WSCD2: variants seen among roughly 807,000 people sequenced by gnomAD.
WSCD2 encodes the protein sialate:O-sulfotransferase 2.
In WSCD2, 28 loss-of-function variants were observed where a neutral mutation model predicts 55.7. The observed-to-expected ratio is 0.50, with a 90% CI of 0.37 to 0.69. The LOEUF (loss-of-function observed/expected upper bound fraction) is 0.69, where lower values mean the gene tolerates loss of function less well. WSCD2 is among the 30% of genes least tolerant of loss of function. The pLI is 0.00. For synonymous variants in WSCD2, 301 were observed against 301.9 expected, an observed-to-expected ratio of 1.00 and a Z score of 0.03; for missense variants, 616 against 762.1, an observed-to-expected ratio of 0.81 and a Z score of 2.26.
chr12:108,134,040 G>C (rs1254820238), intron 1 of WSCD2, among the ~76,000 whole-genome samples: 2 of 152,134 alleles, frequency 1.3e-5, no homozygotes, highest in African/African-American at 4.8e-5. Context: ...GTGGGGTATG[G>C]GTGGGTCTCT....
intron 3 of WSCD2, 137 bp from the exon 4 acceptor site, chr12:108,209,984 C>A: frequency 2.5e-6 from 3 of 1,216,362 alleles, no homozygotes; most frequent in Non-Finnish European, 2.3e-6. Context: ...CCCCAACCTC[C>A]CATCAGCAGT....
intron 4 of WSCD2, among the ~76,000 whole-genome samples, chr12:108,213,571 G>C (rs1054056976): frequency 2.6e-5 from 4 of 152,186 alleles, no homozygotes; most frequent in African/African-American, 9.7e-5. Flanking sequence ...GCTCGATAAA[G>C]GAGGGGACAT....
chr12:108,188,910 C>A lies in WSCD2; in HGVS notation c.-551-6372C>A, dbSNP rs115311389. On this transcript the variant is annotated intron_variant, in intron 1 of 8. Transcript: ENST00000547525. The stretch of plus-strand genomic sequence containing the variant: ...TGTGTGTCTGGGCAAGTTACTTAAT[C>A]TCTGTGAACTTTAGCTTTCTCATCT... Among the ~76,000 whole-genome samples the A allele has an allele frequency of 4.2e-3, 644 of 152,318 alleles. 11 individuals are homozygous for A. Among genetic ancestry groups the A allele is most frequent in the African/African-American group, 0.015 (620 of 41,572 alleles).
At chr12:108,230,339 A>G (rs1025978309) in intron 6 of WSCD2, among the ~76,000 whole-genome samples, 1 of 152,248 alleles carries the variant, frequency 6.6e-6, no homozygotes, top group African/African-American at 2.4e-5. Context: ...TCATCTCAGA[A>G]CAAAAATTAA....
At chr12:108,200,133 T>C (rs962583908) in intron 2 of WSCD2, among the ~76,000 whole-genome samples, 14 of 152,148 alleles carry the variant, frequency 9.2e-5, no homozygotes, top group African/African-American at 3.1e-4. Context: ...AAGGTGGCCA[T>C]GGGAAGATTT....
chr12:108,187,372 A>G (rs1882634914), intron 1 of WSCD2, among the ~76,000 whole-genome samples: 1 of 152,204 alleles, frequency 6.6e-6, no homozygotes, highest in African/African-American at 2.4e-5. Flanking sequence ...TCATGAGAAG[A>G]GGTAAATGTT....
chr12:108,223,856 GC>G (rs1887792621), intron 4 of WSCD2, among the ~76,000 whole-genome samples: 2 of 152,150 alleles, frequency 1.3e-5, no homozygotes, highest in African/African-American at 2.4e-5. Flanking sequence ...TTAAGGTGGG[GC>G]CAACTCTGTA....
At chr12:108,228,183 G>C (rs1009172599) in intron 6 of WSCD2, among the ~76,000 whole-genome samples, 7 of 152,158 alleles carry the variant, frequency 4.6e-5, no homozygotes, top group Non-Finnish European at 5.9e-5. Context: ...CACTTGGATG[G>C]GGATTGGGGG....
At chr12:108,226,450 G>A (rs1246630787) in intron 5 of WSCD2, among the ~76,000 whole-genome samples, 1 of 152,062 alleles carries the variant, frequency 6.6e-6, no homozygotes, top group Admixed American at 6.5e-5. Context: ...CATCAAGGGG[G>A]CATTTACTGT....
intron 1 of WSCD2, among the ~76,000 whole-genome samples, chr12:108,180,765 G>T (rs1195313709): frequency 6.6e-6 from 1 of 152,220 alleles, no homozygotes; most frequent in Non-Finnish European, 1.5e-5. Flanking sequence ...TACATAATTT[G>T]CAGGGTGCAA....
intron 1 of WSCD2, among the ~76,000 whole-genome samples, chr12:108,145,021 A>G (rs1877239944): frequency 1.3e-5 from 2 of 152,164 alleles, no homozygotes; most frequent in Admixed American, 1.3e-4. Context: ...TGCATCCATG[A>G]GCACCAAGGA....
In WSCD2 at chr12:108,195,873, G is replaced by T; in HGVS notation, c.41G>T (p.Arg14Leu). The change falls in exon 2 of 9, where the codon CGG becomes CTG. Residue 14 changes from arginine to leucine, a missense_variant. Around this residue, in one of 3 missense-constraint regions of WSCD2, gnomAD observed 374 missense variants for 467.4 expected, o/e 0.80. Coordinates refer to ENST00000547525, the MANE Select transcript of WSCD2 (RefSeq NM_014653.4). ...LWFKFQRYFR[R>L]KPVRFFTFLA... ...TTCAAATTCCAGCGGTACTTCCGCCGGAAACCTGTGCGCTTCTTTACCTTC... is the reference window on the plus strand; with the variant it reads ...TTCAAATTCCAGCGGTACTTCCGCCTGAAACCTGTGCGCTTCTTTACCTTC... The T allele has an allele frequency of 1.9e-6, 3 of 1,613,946 alleles. No homozygotes were observed. Among genetic ancestry groups the T allele is most frequent in the Non-Finnish European group, 2.5e-6 (3 of 1,179,902 alleles).
chr12:108,199,562 C>G (rs557016637), intron 2 of WSCD2, among the ~76,000 whole-genome samples: 2 of 152,340 alleles, frequency 1.3e-5, no homozygotes, highest in Admixed American at 1.3e-4. Context: ...TTCTGACATG[C>G]CATTTCCTCT....
intron 1 of WSCD2, among the ~76,000 whole-genome samples, chr12:108,181,036 T>C (rs1881662695): frequency 1.3e-5 from 2 of 152,200 alleles, no homozygotes; most frequent in Non-Finnish European, 2.9e-5. Flanking sequence ...CCAAGAACCT[T>C]AGTGGTCATC....
chr12:108,212,901 C>T (rs1407836781), intron 4 of WSCD2, among the ~76,000 whole-genome samples: 5 of 152,164 alleles, frequency 3.3e-5, no homozygotes, highest in South Asian at 2.1e-4. Context: ...TCCGAATCAT[C>T]GCCATGTAAG....
At chr12:108,131,736 C>T (rs1875531298) in intron 1 of WSCD2, 1 of 152,314 alleles carries the variant, frequency 6.6e-6, no homozygotes, top group Non-Finnish European at 1.5e-5. Context: ...ACTGCAGTCC[C>T]CGCCCTCTCT....
Position 108,162,157 on chromosome 12 carries a change from G to C in WSCD2, c.-552+32231G>C, listed in dbSNP as rs1430767509. Among the ~76,000 whole-genome samples the C allele has an allele frequency of 2.6e-5, 4 of 152,244 alleles. No homozygotes were observed. The East Asian group carries it at 7.7e-4, about 29-fold the overall frequency. On this transcript the variant is annotated intron_variant, in intron 1 of 8. Transcript: ENST00000547525. ...CACAGAATACTGGTGAGGGTGGAAA[G>C]GAAGGACGGCAGAGGGACTGTGACC...
chr12:108,230,641 T>C lies in WSCD2; in HGVS notation c.980-2090T>C, dbSNP rs181135684. Among the ~76,000 whole-genome samples the C allele has an allele frequency of 6.0e-4, 92 of 152,330 alleles. 1 individual carries two copies. The highest frequency in any genetic ancestry group is 1.9e-3 in the African/African-American group (81 of 41,582). On this transcript the variant is annotated intron_variant, in intron 6 of 8. Transcript: ENST00000547525. The stretch of plus-strand genomic sequence containing the variant: ...ACCTCTCCTTCAAAGGGCTTTTGTG[T>C]GAAATTAATGAGGCTCACAGTAAGA...
intron 7 of WSCD2, among the ~76,000 whole-genome samples, chr12:108,234,305 T>C (rs1889077347): frequency 6.6e-6 from 1 of 152,150 alleles, no homozygotes; most frequent in Non-Finnish European, 1.5e-5. Context: ...AGTCATCCGC[T>C]AACCCTAGCT....
Sources: allele counts gnomAD v4.1 joint callset (sites outside exome capture counted in the v4.1 genomes callset), GRCh38; gene constraint gnomAD v4.1.1; regional missense constraint gnomAD v4.1.1; transcripts MANE v1.5; gene names NCBI Gene and HGNC (gene_info 2026-07-23, HGNC 2026-07-21).